The following ADAMTS3 variants were observed in gnomAD, a reference collection of about 807,000 sequenced individuals.
ADAMTS3 encodes the protein A disintegrin and metalloproteinase with thrombospondin motifs 3.
ADAMTS3 carries 73 observed loss-of-function variants against 129.0 expected under a neutral mutation model. The ratio of observed to expected loss-of-function variants is 0.57; its 90% CI spans 0.47 to 0.69. The LOEUF (loss-of-function observed/expected upper bound fraction) is 0.69, where lower values mean the gene tolerates loss of function less well. Ranked by LOEUF, ADAMTS3 falls within the 30% of genes least tolerant of loss-of-function variation. ADAMTS3 has a pLI of 0.00. For missense variants in ADAMTS3, 1,457 were observed against 1,514.5 expected, an observed-to-expected ratio of 0.96 and a Z score of 0.63; for synonymous variants, 477 against 510.8, an observed-to-expected ratio of 0.93 and a Z score of 0.89.
In ADAMTS3 at chr4:72,283,031, G is replaced by T; in HGVS notation, c.*105C>A. 1.0e-6 allele frequency: 1 copy of T among 969,314 alleles called. No homozygotes were observed. The highest frequency in any genetic ancestry group is 1.5e-6 in the Non-Finnish European group (1 of 650,384). 60.0% of individuals were successfully genotyped at this position (969,314 alleles called of 1,614,324 possible). On this transcript the variant is annotated 3_prime_UTR_variant, in exon 22 of 22. Coordinates refer to ENST00000286657, the MANE Select transcript of ADAMTS3 (RefSeq NM_014243.3). The stretch of plus-strand genomic sequence containing the variant: ...GTTCTTCCAATTACAGATAAAATGA[G>T]CTGACGATCTATAGAGATTTCCACT...
At chr4:72,455,857 T>A (rs375001340) in intron 3 of ADAMTS3, among the ~76,000 whole-genome samples, 1 of 82,218 alleles carries the variant, frequency 1.2e-5, no homozygotes, top group South Asian at 3.0e-4. Flanking sequence ...ATATTTTATA[T>A]ATAGTATATA....
At chr4:72,498,826 A>G (rs1449173675) in intron 3 of ADAMTS3, among the ~76,000 whole-genome samples, 8 of 152,076 alleles carry the variant, frequency 5.3e-5, no homozygotes, top group Non-Finnish European at 1.5e-5. Context: ...TTGGTAAAAG[A>G]GTGGTTCAGA....
chr4:72,319,515 T>C, intron 8 of ADAMTS3, 40 bp from the exon 9 acceptor site: 1 of 1,568,858 alleles, frequency 6.4e-7, no homozygotes, highest in Non-Finnish European at 8.6e-7. Context: ...AATCAGGGGC[T>C]ACTGCCTTCA....
At chr4:72,320,328 TC>T (rs1349630773) in intron 7 of ADAMTS3, among the ~76,000 whole-genome samples, 3 of 152,190 alleles carry the variant, frequency 2.0e-5, no homozygotes, top group East Asian at 3.9e-4. Context: ...GTCTCCTTCT[TC>T]CAAAGTCCAC....
intron 4 of ADAMTS3, among the ~76,000 whole-genome samples, chr4:72,377,001 T>G (rs1420163455): frequency 6.6e-6 from 1 of 152,114 alleles, no homozygotes; most frequent in Non-Finnish European, 1.5e-5. Context: ...AGAGAGAGAA[T>G]AACTGAGAAG....
chr4:72,419,276 A>G (rs1320942280), intron 3 of ADAMTS3, among the ~76,000 whole-genome samples: 1 of 152,318 alleles, frequency 6.6e-6, no homozygotes, highest in East Asian at 1.9e-4. Context: ...TAAGGCACAT[A>G]TATCTAGCTT....
chr4:72,471,427 T>C (rs1719069350), intron 3 of ADAMTS3, among the ~76,000 whole-genome samples: 1 of 152,104 alleles, frequency 6.6e-6, no homozygotes, highest in South Asian at 2.1e-4. Context: ...TTGATATGCT[T>C]TTGGATTCCA....
intron 16 of ADAMTS3, among the ~76,000 whole-genome samples, chr4:72,305,780 C>A (rs1719069744): frequency 6.6e-6 from 1 of 151,570 alleles, no homozygotes; most frequent in Non-Finnish European, 1.5e-5. Context: ...TATACACATG[C>A]ACATGTACGC....
chr4:72,512,908 G>A (rs139705930), intron 3 of ADAMTS3, among the ~76,000 whole-genome samples: 51 of 152,140 alleles, frequency 3.4e-4, no homozygotes, highest in African/African-American at 9.2e-4. Flanking sequence ...TTCTTTTCAC[G>A]TGTGGAGGCA....
At chr4:72,384,628 A>C (rs1294633542) in intron 4 of ADAMTS3, among the ~76,000 whole-genome samples, 1 of 152,162 alleles carries the variant, frequency 6.6e-6, no homozygotes, top group Non-Finnish European at 1.5e-5. Flanking sequence ...GATAAATAAA[A>C]ATTATGATGT....
At chr4:72,563,149 G>C (rs1339955653) in intron 2 of ADAMTS3, among the ~76,000 whole-genome samples, 2 of 152,146 alleles carry the variant, frequency 1.3e-5, no homozygotes, top group African/African-American at 2.4e-5. Context: ...AGGAAAAGCA[G>C]TGAAAGCATG....
intron 3 of ADAMTS3, among the ~76,000 whole-genome samples, chr4:72,437,375 T>G (rs1249478665): frequency 6.6e-6 from 1 of 151,826 alleles, no homozygotes; most frequent in Non-Finnish European, 1.5e-5. Context: ...ACCAACATCC[T>G]AAAATATTTT....
intron 4 of ADAMTS3, among the ~76,000 whole-genome samples, chr4:72,391,224 A>G (rs1239808566): frequency 6.6e-6 from 1 of 152,202 alleles, no homozygotes; most frequent in African/African-American, 2.4e-5. Flanking sequence ...TAATTTGTGT[A>G]TATTGTATAT....
intron 3 of ADAMTS3, among the ~76,000 whole-genome samples, chr4:72,482,564 C>T: frequency 6.6e-6 from 1 of 151,974 alleles, no homozygotes; most frequent in East Asian, 1.9e-4. Context: ...ATGAGAAAGC[C>T]TTTTAGTCAT....
At chr4:72,359,795 T>C (rs1720673670) in intron 4 of ADAMTS3, among the ~76,000 whole-genome samples, 1 of 152,116 alleles carries the variant, frequency 6.6e-6, no homozygotes, top group Admixed American at 6.6e-5. Flanking sequence ...CCATTTAATG[T>C]ATTAAACTCA....
intron 3 of ADAMTS3, among the ~76,000 whole-genome samples, chr4:72,523,845 A>G (rs1006243537): frequency 3.9e-5 from 6 of 152,162 alleles, no homozygotes; most frequent in African/African-American, 1.4e-4. Flanking sequence ...TATTTATCAA[A>G]TACAATTTAT....
chr4:72,340,185 C>T (rs1720098687), intron 4 of ADAMTS3, among the ~76,000 whole-genome samples: 1 of 151,950 alleles, frequency 6.6e-6, no homozygotes, highest in Non-Finnish European at 1.5e-5. Flanking sequence ...TAAATTATAG[C>T]AGGGCAACAC....
chr4:72,450,459 C>G (rs912612660), intron 3 of ADAMTS3, among the ~76,000 whole-genome samples: 2 of 151,646 alleles, frequency 1.3e-5, no homozygotes, highest in African/African-American at 4.8e-5. Flanking sequence ...TGACAAAAAC[C>G]TATGTTTAAT....
At position 72,527,944 on chromosome 4, in the gene ADAMTS3, C is replaced by A. The variant is rs538217928; in HGVS notation, c.504+20534G>T. 3.9e-5 allele frequency among the ~76,000 whole-genome samples: 6 copies of A among 152,232 alleles called. No individual in the cohort carries two copies. The East Asian group carries it at 1.2e-3, about 29-fold the overall frequency. Reference sequence around the variant, plus strand: ...TCATTCAGTCAGTAACTCATCAGAGCACCTACCACATGAGATGTAGTGCCT... The same window carrying A: ...TCATTCAGTCAGTAACTCATCAGAGAACCTACCACATGAGATGTAGTGCCT... On this transcript the variant is annotated intron_variant, in intron 3 of 21. Transcript: ENST00000286657.
Sources: gnomAD v4.1 joint callset for allele counts (sites outside exome capture counted in the v4.1 genomes callset) on GRCh38, gnomAD v4.1.1 for gene constraint, MANE v1.5 for transcripts, NCBI Gene and HGNC (gene_info 2026-07-23, HGNC 2026-07-21) for gene names.